Variants in JAG1 observed in about 807,000 individuals in gnomAD.
The protein encoded by JAG1 is jagged canonical Notch ligand 1, also known as protein jagged-1.
In JAG1, 23 loss-of-function variants were observed where a neutral mutation model predicts 148.7. The ratio of observed to expected loss-of-function variants is 0.15; its 90% CI spans 0.11 to 0.22. The LOEUF (loss-of-function observed/expected upper bound fraction) is 0.22, where lower values mean the gene tolerates loss of function less well. JAG1 is among the 10% of genes least tolerant of loss of function. The probability of loss-of-function intolerance (pLI) is 1.00; values close to 1 mark genes in which losing one functional copy is unlikely to be tolerated. For synonymous variants in JAG1, 572 were observed against 598.3 expected (o/e 0.96, Z 0.64); for missense variants, 1,054 against 1,611.2 (o/e 0.65, Z 5.92).
rs1445919960 is a variant in JAG1, at chr20:10,642,477, G to A, written c.2572+11C>T. ...GAAGACCCATGGGCAGCTGAAGCCT[G>A]GCACACATACCTTCCTGGCACTTGG... On this transcript the variant is annotated intron_variant, in intron 21 of 25. Transcript: ENST00000254958. 5.8e-6 allele frequency: 9 copies of A among 1,541,182 alleles called. No individual in the cohort carries two copies. Among genetic ancestry groups the A allele is most frequent in the Middle Eastern group, 1.7e-4 (1 of 5,962 alleles).
In JAG1 at chr20:10,642,700, A is replaced by T. The variant is rs559816430; in HGVS notation, c.2459-99T>A. The T allele has an allele frequency of 3.3e-4, 258 of 773,680 alleles. 1 individual carries two copies. In the African/African-American group the frequency reaches 4.1e-3, roughly 12 times the overall value. 47.9% of individuals were successfully genotyped at this position (773,680 alleles called of 1,614,324 possible). On this transcript the variant is annotated intron_variant, in intron 20 of 25. Transcript: ENST00000254958. ...ACATACAAGAAAAGCATATCATCAT[A>T]AGCTTGATGAATTTTCACTCAGGTA...
At chr20:10,664,373 A>AACACACACACACACACACAC (rs59417356) in intron 2 of JAG1, among the ~76,000 whole-genome samples, 7 of 144,684 alleles carry the variant, frequency 4.8e-5, no homozygotes, top group South Asian at 2.3e-4. Context: ...TGCATGAGGA[A>AACACACACACACACACACAC]ACACACACAC....
chr20:10,656,306 A>T, intron 5 of JAG1, 92 bp downstream of exon 5: 1 of 1,056,554 alleles, frequency 9.5e-7, no homozygotes. Flanking sequence ...CTTGTTCTCC[A>T]AGGAAAAAAG....
At chr20:10,652,016 A>G in intron 7 of JAG1, 115 bp downstream of exon 7, 2 of 1,243,108 alleles carry the variant, frequency 1.6e-6, no homozygotes, top group South Asian at 2.4e-5. Flanking sequence ...GATAAGGCCT[A>G]TCTTTGGAAG....
intron 8 of JAG1, 40 bp from the exon 9 acceptor site, chr20:10,650,400 A>C (rs1374324458): frequency 8.7e-7 from 1 of 1,152,562 alleles, no homozygotes; most frequent in South Asian, 1.3e-5. Flanking sequence ...AATTTAATTC[A>C]ATCCATCTGA....
intron 5 of JAG1, 59 bp downstream of exon 5, chr20:10,656,339 G>A (rs1235775872): frequency 5.2e-6 from 7 of 1,356,408 alleles, no homozygotes; most frequent in Non-Finnish European, 7.4e-6. Flanking sequence ...AATAAAGTCA[G>A]TTCCTCTCTT....
chr20:10,664,453 G>A (rs774968981), intron 2 of JAG1, among the ~76,000 whole-genome samples: 1 of 151,494 alleles, frequency 6.6e-6, no homozygotes, highest in African/African-American at 2.4e-5. Context: ...TATTTGTACC[G>A]AGGGGGTATT....
chr20:10,660,094 T>A (rs1259829352), intron 3 of JAG1, among the ~76,000 whole-genome samples: 1 of 152,216 alleles, frequency 6.6e-6, no homozygotes, highest in East Asian at 1.9e-4. Context: ...CCCACCCACA[T>A]GGCTGTTTTT....
At position 10,642,554 on chromosome 20, in the gene JAG1, C is replaced by T. The variant is rs1429547453; in HGVS notation, c.2506G>A (p.Val836Met). The change falls in exon 21 of 26, where the codon GTG becomes ATG. Residue 836 changes from valine to methionine, a missense_variant. Around this residue, in one of 6 missense-constraint regions of JAG1, gnomAD observed 342 missense variants for 514.6 expected, o/e 0.66. Coordinates refer to ENST00000254958, the MANE Select transcript of JAG1 (RefSeq NM_000214.3). ...CACCGGTAGCCATTGATCTCATCCA[C>T]ACAGGTCGCTCCAAAGGCACAAGGT... The part of the protein sequence containing the change: ...SSPCAFGATC[V>M]DEINGYRCVC... 4 of 1,613,996 alleles carry T rather than the reference C, an allele frequency of 2.5e-6. No homozygotes were observed. In the East Asian group the frequency reaches 8.9e-5, roughly 36 times the overall value.
chr20:10,647,058 T>C lies in JAG1; in HGVS notation c.1766A>G (p.Glu589Gly). ...TVAMASNDTP[E>G]GVRYISSNVC... ...GTTGGAGGAAATATACCGCACCCCT[T>C]CAGGTGTGTCGTTGGAAGCCATGGC... is the stretch of plus-strand genomic sequence containing the variant. Residue 589 changes from glutamate (E) to glycine (G), a missense_variant, in exon 14 of 26, where the codon GAA becomes GGA. This residue lies in a region of JAG1 where 245 missense variants were observed against 373.1 expected (regional missense o/e 0.66). Transcript: ENST00000254958. 5 of 1,614,198 alleles carry C rather than the reference T, an allele frequency of 3.1e-6. No individual in the cohort carries two copies. The highest frequency in any genetic ancestry group is 4.2e-6 in the Non-Finnish European group (5 of 1,180,024).
chr20:10,652,107 T>A (rs1485486752), intron 7 of JAG1, 24 bp downstream of exon 7: 4 of 1,613,232 alleles, frequency 2.5e-6, no homozygotes, highest in Non-Finnish European at 3.4e-6. Context: ...GACAAAGGGC[T>A]CTCATTCATC....
chr20:10,658,390 C>CCA, intron 4 of JAG1, 78 bp downstream of exon 4: 1 of 1,584,868 alleles, frequency 6.3e-7, no homozygotes, highest in East Asian at 2.2e-5. Flanking sequence ...TAGCCGCATG[C>CCA]CACCTGCCTG....
chr20:10,658,385 G>A lies in JAG1; in HGVS notation c.694+83C>T, dbSNP rs142187761. On this transcript the variant is annotated intron_variant, in intron 4 of 25. Transcript: ENST00000254958. ...AAATCCCACCCCACCTGAGATAGCCGCATGCCACCTGCCTGCTGGTGGGGT... is the reference window on the plus strand; with the variant it reads ...AAATCCCACCCCACCTGAGATAGCCACATGCCACCTGCCTGCTGGTGGGGT... The A allele has an allele frequency of 2.0e-4, 314 of 1,562,538 alleles. 2 individuals carry two copies. The African/African-American group carries it at 2.4e-3, about 12-fold the overall frequency.
At chr20:10,659,794 G>A (rs2067403930) in intron 3 of JAG1, among the ~76,000 whole-genome samples, 1 of 151,890 alleles carries the variant, frequency 6.6e-6, no homozygotes, top group Admixed American at 6.6e-5. Context: ...GCTTACTGAG[G>A]ATAATAAACA....
At chr20:10,650,504 A>G in intron 8 of JAG1, 144 bp from the exon 9 acceptor site, 2 of 671,052 alleles carry the variant, frequency 3.0e-6, no homozygotes, top group Non-Finnish European at 5.4e-6. Flanking sequence ...GACAAGTGGG[A>G]CGGTGACGAT....
chr20:10,639,890 A>G lies in JAG1; in HGVS notation c.3265T>C (p.Phe1089Leu), dbSNP rs537450546. ...VAWICCLVTA[F>L]YWCLRKRRKP... The stretch of plus-strand genomic sequence containing the variant: ...CGCCGCTTCCGCAGGCACCAGTAGA[A>G]GGCCGTCACCAAGCAACAGATCCAA... Residue 1089 changes from phenylalanine (F) to leucine (L), a missense_variant, in exon 26 of 26, where the codon TTC becomes CTC. Phe to Leu is a conservative substitution (Grantham distance 22). This residue lies in a region of JAG1 where 177 missense variants were observed against 177.3 expected (regional missense o/e 1.00). Coordinates refer to ENST00000254958, the MANE Select transcript of JAG1 (RefSeq NM_000214.3). 3 of 1,614,218 alleles carry G rather than the reference A, an allele frequency of 1.9e-6. No homozygotes were observed. Among genetic ancestry groups the G allele is most frequent in the African/African-American group, 2.7e-5 (2 of 75,046 alleles).
In JAG1 at chr20:10,651,925, T is replaced by C. The variant is rs1025029180; in HGVS notation, c.1006+206A>G. On this transcript the variant is annotated intron_variant, in intron 7 of 25. Transcript: ENST00000254958. Reference sequence around the variant, plus strand: ...ATCTCAGAGCTGGGGTCATTTCATCTCCCGCTGCCTCCTATACGAATCAGC... The same window carrying C: ...ATCTCAGAGCTGGGGTCATTTCATCCCCCGCTGCCTCCTATACGAATCAGC... Among the ~76,000 whole-genome samples the C allele has an allele frequency of 3.9e-5, 6 of 152,328 alleles. 1 individual carries two copies. In the South Asian group the frequency reaches 1.2e-3, roughly 32 times the overall value.
chr20:10,646,220 T>C, intron 14 of JAG1, 136 bp from the exon 15 acceptor site: 1 of 702,372 alleles, frequency 1.4e-6, no homozygotes. Flanking sequence ...ATCAGGGCTG[T>C]TTCTCAAATT....
intron 2 of JAG1, 43 bp downstream of exon 2, chr20:10,672,658 G>T: frequency 6.3e-7 from 1 of 1,594,478 alleles, no homozygotes; most frequent in Non-Finnish European, 8.6e-7. Flanking sequence ...GCCAGGCGCG[G>T]GTGTGAGGCT....
Sources: allele counts gnomAD v4.1 joint callset (sites outside exome capture counted in the v4.1 genomes callset), GRCh38; gene constraint gnomAD v4.1.1; regional missense constraint gnomAD v4.1.1; transcripts MANE v1.5; gene names NCBI Gene and HGNC (gene_info 2026-07-23, HGNC 2026-07-21).